The following MKLN1 variants were observed in gnomAD, a reference collection of about 807,000 sequenced individuals.
MKLN1 encodes the protein muskelin 1.
In MKLN1, 18 loss-of-function variants were observed where a neutral mutation model predicts 99.0. The observed-to-expected ratio is 0.18, with a 90% CI of 0.13 to 0.27. The LOEUF is 0.27. MKLN1 is among the 10% of genes least tolerant of loss of function. MKLN1 has a pLI of 1.00. For synonymous variants in MKLN1, 288 were observed against 293.2 expected (o/e 0.98, Z 0.18); for missense variants, 621 against 875.9 (o/e 0.71, Z 3.67).
chr7:131,336,233 C>T (rs1363340316), intron 1 of MKLN1, among the ~76,000 whole-genome samples: 1 of 151,964 alleles, frequency 6.6e-6, no homozygotes, highest in Admixed American at 6.6e-5. Context: ...TGTCTCTCGC[C>T]TCAAAGTCTT....
At chr7:131,194,328 G>C (rs1196117602) in intron 2 of MKLN1, among the ~76,000 whole-genome samples, 1 of 152,106 alleles carries the variant, frequency 6.6e-6, no homozygotes, top group African/African-American at 2.4e-5. Context: ...TCTACTTTCT[G>C]AGTTTGTGTA....
intron 3 of MKLN1, among the ~76,000 whole-genome samples, chr7:131,244,929 T>C (rs1178478626): frequency 6.6e-6 from 1 of 152,224 alleles, no homozygotes; most frequent in Non-Finnish European, 1.5e-5. Flanking sequence ...GGCGGCACCC[T>C]TTCCTCCAGC....
At chr7:131,396,697 G>C (rs1308640706) in intron 4 of MKLN1, among the ~76,000 whole-genome samples, 1 of 152,112 alleles carries the variant, frequency 6.6e-6, no homozygotes, top group Non-Finnish European at 1.5e-5. Flanking sequence ...TAACGTGGTA[G>C]ATTATATTAA....
rs1187195924 is a variant in MKLN1 at position 131,463,168 on chromosome 7, A to G, written c.1526-49A>G. ...AAAGGAAGGAAGGAAGGAAATACTA[A>G]TCTATCTAATGTGAATATTTTCATC... On this transcript the variant is annotated intron_variant, in intron 12 of 17. Transcript: ENST00000352689. The G allele has an allele frequency of 2.8e-6, 4 of 1,413,684 alleles. No homozygotes were observed. In the South Asian group the frequency reaches 4.9e-5, roughly 17 times the overall value. The allele number at this position is 1,413,684 out of a possible 1,614,324, so 87.6% of individuals were successfully genotyped here.
intron 1 of MKLN1, among the ~76,000 whole-genome samples, chr7:131,337,622 G>A (rs1053391262): frequency 1.3e-5 from 2 of 151,708 alleles, no homozygotes; most frequent in Non-Finnish European, 2.9e-5. Context: ...TAATCAAATT[G>A]CTTTAAAGTC....
intron 8 of MKLN1, among the ~76,000 whole-genome samples, chr7:131,415,316 A>G (rs1192263722): frequency 6.6e-6 from 1 of 152,112 alleles, no homozygotes; most frequent in African/African-American, 2.4e-5. Flanking sequence ...TGGATTTTAG[A>G]AAACTTTACT....
chr7:131,411,010 G>A (rs1008520911), intron 6 of MKLN1, among the ~76,000 whole-genome samples: 3 of 152,002 alleles, frequency 2.0e-5, no homozygotes, highest in Non-Finnish European at 4.4e-5. Context: ...TCCGTTGAAT[G>A]CAACAGTGAC....
chr7:131,237,902 T>G (rs1797348388), intron 3 of MKLN1, among the ~76,000 whole-genome samples: 1 of 152,174 alleles, frequency 6.6e-6, no homozygotes, highest in Admixed American at 6.5e-5. Context: ...ATTTCAGCAC[T>G]TTGGGAGGCC....
chr7:131,415,747 A>G (rs958881732), intron 8 of MKLN1, among the ~76,000 whole-genome samples: 1 of 152,198 alleles, frequency 6.6e-6, no homozygotes, highest in Admixed American at 6.5e-5. Context: ...AGTATAATAA[A>G]TATTCATATG....
chr7:131,461,202 CTG>C (rs1796504268), intron 12 of MKLN1, among the ~76,000 whole-genome samples: 1 of 150,946 alleles, frequency 6.6e-6, no homozygotes, highest in South Asian at 2.1e-4. Flanking sequence ...GAAAAAAAGT[CTG>C]TATGTCTTCA....
intron 3 of MKLN1, among the ~76,000 whole-genome samples, chr7:131,296,050 C>T (rs769110450): frequency 2.6e-5 from 4 of 152,054 alleles, no homozygotes; most frequent in Non-Finnish European, 5.9e-5. Context: ...CTTACACTGT[C>T]GATGAATATA....
At chr7:131,340,044 C>G (rs1799360610) in intron 1 of MKLN1, among the ~76,000 whole-genome samples, 1 of 151,956 alleles carries the variant, frequency 6.6e-6, no homozygotes, top group South Asian at 2.1e-4. Flanking sequence ...CTTTTCCCTT[C>G]CTGTCACTGT....
At chr7:131,274,383 C>T (rs1456351218) in intron 3 of MKLN1, among the ~76,000 whole-genome samples, 1 of 152,076 alleles carries the variant, frequency 6.6e-6, no homozygotes, top group African/African-American at 2.4e-5. Flanking sequence ...TGGCTCACGC[C>T]TGTAATCCCA....
chr7:131,364,486 A>C (rs1489275404), intron 1 of MKLN1, among the ~76,000 whole-genome samples: 1 of 150,860 alleles, frequency 6.6e-6, no homozygotes, highest in Non-Finnish European at 1.5e-5. Flanking sequence ...TTTTTTAAAC[A>C]TTTATTTTAG....
chr7:131,120,624 A>C (rs907792598), intron 1 of MKLN1, among the ~76,000 whole-genome samples: 1 of 152,156 alleles, frequency 6.6e-6, no homozygotes, highest in African/African-American at 2.4e-5. Flanking sequence ...TGAAGTTCAA[A>C]GTTTCATAGA....
chr7:131,178,757 T>C (rs141392565), intron 2 of MKLN1, among the ~76,000 whole-genome samples: 363 of 152,342 alleles, frequency 2.4e-3, no homozygotes, highest in African/African-American at 7.9e-3. Flanking sequence ...CCCTGACATA[T>C]ATCTGCCCAG....
chr7:131,342,986 C>T (rs1460056774), intron 1 of MKLN1, among the ~76,000 whole-genome samples: 2 of 152,350 alleles, frequency 1.3e-5, no homozygotes, highest in African/African-American at 4.8e-5. Context: ...TGGTGATACA[C>T]TGTCCATACA....
chr7:131,375,963 G>A (rs1295713029), intron 2 of MKLN1, among the ~76,000 whole-genome samples: 1 of 149,952 alleles, frequency 6.7e-6, no homozygotes, highest in African/African-American at 2.4e-5. Flanking sequence ...AGTTATATGC[G>A]TTCAGCATTA....
At position 131,171,071 on chromosome 7, in the gene MKLN1, G is replaced by A. The variant is rs573568942; in HGVS notation, c.-297+28130G>A. ...CACACATAAAAAAGTTAAACAACCC[G>A]ACATCATAAAGAGATGAATCAGAAG... On this transcript the variant is annotated intron_variant, in intron 2 of 7. Coordinates refer to the MKLN1 transcript ENST00000416992. 5.9e-5 allele frequency among the ~76,000 whole-genome samples: 9 copies of A among 152,206 alleles called. No individual in the cohort carries two copies. In the East Asian group the frequency reaches 1.2e-3, roughly 20 times the overall value.
Sources: allele counts gnomAD v4.1 joint callset (sites outside exome capture counted in the v4.1 genomes callset), GRCh38; gene constraint gnomAD v4.1.1; transcripts MANE v1.5; gene names NCBI Gene and HGNC (gene_info 2026-07-23, HGNC 2026-07-21).